Variants in KSR2 observed in about 807,000 individuals in gnomAD.
The protein encoded by KSR2 is kinase suppressor of ras 2.
KSR2 carries 25 observed loss-of-function variants against 107.8 expected under a neutral mutation model. The observed-to-expected ratio is 0.23, with a 90% CI of 0.17 to 0.32. KSR2 has a LOEUF of 0.32. Ranked by LOEUF, KSR2 falls within the 10% of genes least tolerant of loss-of-function variation. The pLI is 1.00. For missense variants in KSR2, 887 were observed against 1,268.9 expected, an observed-to-expected ratio of 0.70 and a Z score of 4.57; for synonymous variants, 480 against 507.0, an observed-to-expected ratio of 0.95 and a Z score of 0.71.
intron 4 of KSR2, among the ~76,000 whole-genome samples, chr12:117,685,069 C>T (rs1885514956): frequency 6.6e-6 from 1 of 152,142 alleles, no homozygotes; most frequent in Non-Finnish European, 1.5e-5. Flanking sequence ...TGCCTCTGCC[C>T]CATGGAATAA....
At chr12:117,654,258 C>T (rs895670325) in intron 5 of KSR2, among the ~76,000 whole-genome samples, 15 of 152,146 alleles carry the variant, frequency 9.9e-5, no homozygotes, top group African/African-American at 3.6e-4. Flanking sequence ...GTGGCATATA[C>T]GGGATTGGGC....
chr12:117,659,919 C>T (rs1212677363), intron 5 of KSR2, among the ~76,000 whole-genome samples: 1 of 152,196 alleles, frequency 6.6e-6, no homozygotes, highest in Non-Finnish European at 1.5e-5. Context: ...CTGAACAAAT[C>T]AAACAATCTG....
intron 7 of KSR2, among the ~76,000 whole-genome samples, chr12:117,563,740 CAA>C (rs1391904730): frequency 3.3e-5 from 5 of 152,118 alleles, no homozygotes; most frequent in Non-Finnish European, 7.3e-5. Context: ...AGACCTCAAC[CAA>C]CTATAGGTGG....
chr12:117,850,871 G>T (rs967673087), intron 3 of KSR2, among the ~76,000 whole-genome samples: 4 of 151,998 alleles, frequency 2.6e-5, no homozygotes, highest in Non-Finnish European at 4.4e-5. Context: ...ATCTTCCTGG[G>T]AATTGAATAG....
chr12:117,648,315 AG>A (rs1883743351), intron 5 of KSR2, among the ~76,000 whole-genome samples: 1 of 149,116 alleles, frequency 6.7e-6, no homozygotes, highest in South Asian at 2.1e-4. Flanking sequence ...GTGGAGGAGG[AG>A]GTGATCTCCT....
chr12:117,918,368 A>G (rs1403161637), intron 1 of KSR2, among the ~76,000 whole-genome samples: 1 of 152,218 alleles, frequency 6.6e-6, no homozygotes, highest in Non-Finnish European at 1.5e-5. Flanking sequence ...ATATGGCCCC[A>G]GTCTTGATAG....
rs772274161 is a variant in KSR2 at position 117,485,706 on chromosome 12, G to T, written c.2220-15C>A. Reference sequence around the variant, plus strand: ...CCTTACAGAGGCTGAAAAGCAAAAGGACAAGATAAATTAATGGCAGTCGTT... The same window carrying T: ...CCTTACAGAGGCTGAAAAGCAAAAGTACAAGATAAATTAATGGCAGTCGTT... On this transcript the variant is annotated splice_polypyrimidine_tract_variant and intron_variant, in intron 14 of 19. Coordinates refer to ENST00000339824, the MANE Select transcript of KSR2 (RefSeq NM_173598.6). The T allele has an allele frequency of 6.3e-7, 1 of 1,585,974 alleles. No individual in the cohort carries two copies. Among genetic ancestry groups the T allele is most frequent in the South Asian group, 1.1e-5 (1 of 90,458 alleles).
chr12:117,561,050 C>T (rs1411201661), intron 7 of KSR2, among the ~76,000 whole-genome samples: 2 of 152,024 alleles, frequency 1.3e-5, no homozygotes, highest in Admixed American at 1.3e-4. Context: ...ATATTAATGG[C>T]AAATTATGTT....
intron 7 of KSR2, among the ~76,000 whole-genome samples, chr12:117,574,865 A>T (rs1380476978): frequency 6.8e-6 from 1 of 147,972 alleles, no homozygotes; most frequent in Non-Finnish European, 1.5e-5. Flanking sequence ...AGTTTCTGGC[A>T]GTAACAGAAC....
At chr12:117,741,325 T>G (rs1468008740) in intron 4 of KSR2, among the ~76,000 whole-genome samples, 1 of 148,604 alleles carries the variant, frequency 6.7e-6, no homozygotes, top group Non-Finnish European at 1.5e-5. Flanking sequence ...AAGACCAGCC[T>G]GGGCAACGTA....
At chr12:117,520,454 C>T (rs1293849553) in intron 14 of KSR2, among the ~76,000 whole-genome samples, 1 of 152,186 alleles carries the variant, frequency 6.6e-6, no homozygotes, top group African/African-American at 2.4e-5. Flanking sequence ...GGTTCAGAGC[C>T]TTACCCACTG....
chr12:117,757,722 G>C (rs1888845312), intron 4 of KSR2, among the ~76,000 whole-genome samples: 1 of 152,194 alleles, frequency 6.6e-6, no homozygotes, highest in Non-Finnish European at 1.5e-5. Context: ...ATGATCATTA[G>C]TGTTTTTTAG....
At chr12:117,811,494 G>A (rs1016877825) in intron 3 of KSR2, among the ~76,000 whole-genome samples, 7 of 152,306 alleles carry the variant, frequency 4.6e-5, no homozygotes, top group Non-Finnish European at 8.8e-5. Flanking sequence ...GAAGCCCAGC[G>A]ATCTGTGTTT....
At chr12:117,585,149 C>T (rs1879915772) in intron 5 of KSR2, among the ~76,000 whole-genome samples, 1 of 152,038 alleles carries the variant, frequency 6.6e-6, no homozygotes, top group South Asian at 2.1e-4. Context: ...AGGGCAGACT[C>T]CCATAATAAA....
intron 5 of KSR2, among the ~76,000 whole-genome samples, chr12:117,647,786 G>C (rs559769503): frequency 6.6e-6 from 1 of 152,220 alleles, no homozygotes; most frequent in East Asian, 1.9e-4. Context: ...GCAGTGGCGT[G>C]ATCATAGCTC....
chr12:117,650,143 T>C (rs937061258), intron 5 of KSR2, among the ~76,000 whole-genome samples: 1 of 152,172 alleles, frequency 6.6e-6, no homozygotes, highest in African/African-American at 2.4e-5. Context: ...AGATCCACCC[T>C]TAAACTGGTG....
At chr12:117,782,608 T>C (rs903996000) in intron 3 of KSR2, among the ~76,000 whole-genome samples, 2 of 152,216 alleles carry the variant, frequency 1.3e-5, no homozygotes, top group Non-Finnish European at 2.9e-5. Context: ...CCACGAACTA[T>C]GCTAGACATT....
chr12:117,484,389 T>A, intron 16 of KSR2, 27 bp downstream of exon 16: 1 of 1,612,446 alleles, frequency 6.2e-7, no homozygotes, highest in Non-Finnish European at 8.5e-7. Flanking sequence ...GTCAGGAAAC[T>A]CTCCGGGTCT....
chr12:117,574,182 C>A (rs540750157), intron 7 of KSR2, among the ~76,000 whole-genome samples: 1 of 149,056 alleles, frequency 6.7e-6, no homozygotes, highest in Non-Finnish European at 1.5e-5. Context: ...AGGAGTGGAG[C>A]CCAGAAAACT....
Sources: gnomAD v4.1 joint callset for allele counts (sites outside exome capture counted in the v4.1 genomes callset) on GRCh38, gnomAD v4.1.1 for gene constraint, MANE v1.5 for transcripts, NCBI Gene and HGNC (gene_info 2026-07-23, HGNC 2026-07-21) for gene names.